Variants in EGFLAM observed in about 807,000 individuals in gnomAD.
EGFLAM encodes the protein EGF like, fibronectin type III and laminin G domains, also known as pikachurin.
Under a neutral mutation model 113.1 loss-of-function variants are expected in EGFLAM, and 79 were observed. That is an observed-to-expected ratio of 0.70 (90% CI 0.58 to 0.84). The LOEUF (loss-of-function observed/expected upper bound fraction) is 0.84. EGFLAM is among the 40% of genes least tolerant of loss of function. The pLI, the probability that EGFLAM is intolerant of heterozygous loss-of-function variation, is 0.00. For missense variants in EGFLAM, 1,265 were observed against 1,291.6 expected (o/e 0.98, Z 0.32); for synonymous variants, 504 against 487.6 (o/e 1.03, Z -0.44).
chr5:38,406,900 A>C lies in EGFLAM; in HGVS notation c.901A>C (p.Asn301His), dbSNP rs1741304338. The change falls in exon 8 of 22, where the codon AAC (asparagine) becomes CAC (histidine). Residue 301 changes from asparagine (N) to histidine (H), a missense_variant. Physicochemically the swap from Asn to His is moderately conservative, Grantham distance 68 (BLOSUM62 1). Coordinates refer to ENST00000322350, the MANE Select transcript of EGFLAM (RefSeq NM_152403.4). ...GGAAAGCAAGAAGATGTCTATATCT[A>C]ACCCAAAGACCATTTCTAGGCTCAT... The part of the protein sequence containing the change: ...LVESKKMSIS[N>H]PKTISRLIPP... 3 of 1,614,100 alleles carry C rather than the reference A, an allele frequency of 1.9e-6. No individual in the cohort carries two copies. The highest frequency in any genetic ancestry group is 3.3e-5 in the Admixed American group (2 of 59,996).
chr5:38,379,577 G>T (rs1455892698), intron 6 of EGFLAM, among the ~76,000 whole-genome samples: 1 of 152,074 alleles, frequency 6.6e-6, no homozygotes, highest in Non-Finnish European at 1.5e-5. Context: ...TCTTCAGGCA[G>T]ATAAGAGAAG....
intron 19 of EGFLAM, among the ~76,000 whole-genome samples, chr5:38,454,897 A>T (rs991342140): frequency 1.3e-5 from 2 of 152,256 alleles, no homozygotes; most frequent in Non-Finnish European, 2.9e-5. Context: ...ATATATATTT[A>T]TAGTTTTGGT....
At chr5:38,269,450 A>G (rs1204404796) in intron 1 of EGFLAM, among the ~76,000 whole-genome samples, 1 of 151,964 alleles carries the variant, frequency 6.6e-6, no homozygotes, top group East Asian at 1.9e-4. Flanking sequence ...GCTGATCTCA[A>G]CAAAAACAAA....
In EGFLAM at chr5:38,432,278, C is replaced by T. The variant is rs74418138; in HGVS notation, c.2166+990C>T. Among the ~76,000 whole-genome samples, 900 of 152,112 alleles carry T rather than the reference C, an allele frequency of 5.9e-3. 11 individuals carry two copies. The highest frequency in any genetic ancestry group is 0.021 in the African/African-American group (858 of 41,484). On this transcript the variant is annotated intron_variant, in intron 15 of 21. Transcript: ENST00000322350. ...AAGAAAAGGAAAGAAAAGAGACTTT[C>T]GCTGGGGAAAGAGGTACTTGACTGG...
At chr5:38,292,021 A>C (rs1758349076) in intron 1 of EGFLAM, among the ~76,000 whole-genome samples, 1 of 152,144 alleles carries the variant, frequency 6.6e-6, no homozygotes, top group Non-Finnish European at 1.5e-5. Flanking sequence ...TAACATGGTA[A>C]CCCCAACCCC....
At position 38,338,748 on chromosome 5, in the gene EGFLAM, C is replaced by T. The variant is rs1416243779; in HGVS notation, c.258C>T (p.His86=). The part of the protein sequence containing the change: ...GADKSLQEQL[H]SVPLSRDIPT... ...ATAAATCCCTGCAGGAGCAGTTGCA[C>T]AGCGTGCCTCTCAGCCGGGACATCC... The change falls in exon 3 of 22, where the codon CAC becomes CAT. Residue 86 remains histidine, a synonymous_variant. Coordinates refer to ENST00000322350, the MANE Select transcript of EGFLAM (RefSeq NM_152403.4). 1 of 1,614,234 alleles carries T rather than the reference C, an allele frequency of 6.2e-7. No individual in the cohort carries two copies. The highest frequency in any genetic ancestry group is 2.2e-5 in the East Asian group (1 of 44,888).
chr5:38,450,373 G>A (rs73077405), intron 18 of EGFLAM, among the ~76,000 whole-genome samples: 13 of 152,126 alleles, frequency 8.5e-5, no homozygotes, highest in African/African-American at 3.1e-4. Flanking sequence ...TCTTCCTGAC[G>A]AGCTCAGGCT....
At chr5:38,402,906 A>G (rs1370906469) in intron 6 of EGFLAM, among the ~76,000 whole-genome samples, 1 of 152,236 alleles carries the variant, frequency 6.6e-6, no homozygotes, top group Non-Finnish European at 1.5e-5. Context: ...AGGAAATCAT[A>G]GGATAAAGAT....
intron 5 of EGFLAM, among the ~76,000 whole-genome samples, chr5:38,356,349 C>A (rs1273402980): frequency 1.3e-5 from 2 of 152,170 alleles, no homozygotes; most frequent in Admixed American, 6.5e-5. Flanking sequence ...GCAAATGCAA[C>A]CCTCATTGCA....
intron 1 of EGFLAM, among the ~76,000 whole-genome samples, chr5:38,262,447 C>A (rs539381179): frequency 6.6e-6 from 1 of 152,084 alleles, no homozygotes; most frequent in African/African-American, 2.4e-5. Flanking sequence ...TAATCACCGC[C>A]GGAATAGAAA....
intron 1 of EGFLAM, among the ~76,000 whole-genome samples, chr5:38,301,258 G>A (rs1382623937): frequency 6.6e-6 from 1 of 152,166 alleles, no homozygotes. Context: ...GAAACCAGGA[G>A]AGGGTTTCCC....
At chr5:38,389,200 C>G (rs892613651) in intron 6 of EGFLAM, among the ~76,000 whole-genome samples, 2 of 152,204 alleles carry the variant, frequency 1.3e-5, no homozygotes, top group East Asian at 3.9e-4. Flanking sequence ...AAGGAAAACC[C>G]TTAGAAAATT....
intron 19 of EGFLAM, among the ~76,000 whole-genome samples, chr5:38,451,991 C>CAAA (rs531712895): frequency 1.6e-4 from 6 of 38,660 alleles, no homozygotes; most frequent in African/African-American, 3.9e-4. Flanking sequence ...GACTCCATCT[C>CAAA]AAAAAAAAAA....
chr5:38,328,723 G>GTTTTTTTTTTTT (rs3077265), intron 1 of EGFLAM, among the ~76,000 whole-genome samples: 1 of 103,026 alleles, frequency 9.7e-6, no homozygotes, highest in East Asian at 3.2e-4. Context: ...AGCTATACTT[G>GTTTTTTTTTTTT]TTTTTTTTTT....
intron 6 of EGFLAM, among the ~76,000 whole-genome samples, chr5:38,398,764 G>A (rs1047563944): frequency 3.3e-5 from 5 of 152,316 alleles, no homozygotes; most frequent in Admixed American, 6.5e-5. Flanking sequence ...TCAAGTCACA[G>A]GTCTGACCTG....
At chr5:38,449,031 G>C (rs1417456538) in intron 18 of EGFLAM, among the ~76,000 whole-genome samples, 1 of 152,210 alleles carries the variant, frequency 6.6e-6, no homozygotes, top group East Asian at 1.9e-4. Flanking sequence ...TCTTGGTTTG[G>C]AATAGCCTTT....
chr5:38,432,671 A>G lies in EGFLAM; in HGVS notation c.2166+1383A>G, dbSNP rs150341052. Among the ~76,000 whole-genome samples the G allele has an allele frequency of 3.6e-3, 541 of 152,346 alleles. 3 individuals are homozygous for G. The highest frequency in any genetic ancestry group is 0.012 in the African/African-American group (495 of 41,584). ...CTGTTGGCTTAATGATATAAATCCA[A>G]TTGTATCTCTATAGATCTTAGTTGC... On this transcript the variant is annotated intron_variant, in intron 15 of 21. Coordinates refer to ENST00000322350, the MANE Select transcript of EGFLAM (RefSeq NM_152403.4).
At chr5:38,365,496 G>A (rs1740036077) in intron 5 of EGFLAM, among the ~76,000 whole-genome samples, 1 of 152,148 alleles carries the variant, frequency 6.6e-6, no homozygotes, top group South Asian at 2.1e-4. Context: ...AATGACACCT[G>A]CTTTATTTTT....
At chr5:38,422,065 G>A (rs963134397) in intron 12 of EGFLAM, among the ~76,000 whole-genome samples, 1 of 152,042 alleles carries the variant, frequency 6.6e-6, no homozygotes, top group African/African-American at 2.4e-5. Context: ...AAATAGGTGG[G>A]CCTCGGTTAC....
Sources: gnomAD v4.1 joint callset for allele counts (sites outside exome capture counted in the v4.1 genomes callset) on GRCh38, gnomAD v4.1.1 for gene constraint, MANE v1.5 for transcripts, NCBI Gene and HGNC (gene_info 2026-07-23, HGNC 2026-07-21) for gene names.